Variants in HEG1 observed in about 807,000 individuals in gnomAD.
The protein encoded by HEG1 is heart development protein with EGF like domains 1.
HEG1 carries 56 observed loss-of-function variants against 125.6 expected under a neutral mutation model. That is an observed-to-expected ratio of 0.45 (90% CI 0.36 to 0.56). The LOEUF is 0.56. HEG1 is among the 20% of genes least tolerant of loss of function. The pLI, the probability that HEG1 is intolerant of heterozygous loss-of-function variation, is 0.00. For missense variants in HEG1, 1,523 were observed against 1,670.0 expected, an observed-to-expected ratio of 0.91 and a Z score of 1.53; for synonymous variants, 644 against 668.5, an observed-to-expected ratio of 0.96 and a Z score of 0.57.
At position 125,055,544 on chromosome 3, in the gene HEG1, G is replaced by A. The variant is rs888738957; in HGVS notation, c.316+31C>T. The A allele has an allele frequency of 1.0e-5, 12 of 1,187,870 alleles. No homozygotes were observed. In the Admixed American group the frequency reaches 4.9e-4, roughly 49 times the overall value. The allele number at this position is 1,187,870 out of a possible 1,614,324, so 73.6% of individuals were successfully genotyped here. A position where few individuals can be genotyped will look rare whatever the true frequency, so the allele number is the denominator to read the frequency against. On this transcript the variant is annotated intron_variant, in intron 1 of 16. Coordinates refer to ENST00000311127, the MANE Select transcript of HEG1 (RefSeq NM_020733.2). ...GCGCCCACGCCCCCAGCACAGACTGGCCAGGCGCCAGGTTCCCGGCTCTCA... is the reference window on the plus strand; with the variant it reads ...GCGCCCACGCCCCCAGCACAGACTGACCAGGCGCCAGGTTCCCGGCTCTCA...
chr3:124,999,225 G>A (rs759142803), intron 11 of HEG1, among the ~76,000 whole-genome samples: 20 of 152,286 alleles, frequency 1.3e-4, no homozygotes, highest in Admixed American at 2.6e-4. Context: ...GGAAGCTAGC[G>A]TGCTCAATCA....
At position 124,969,133 on chromosome 3, in the gene HEG1, G is replaced by C. The variant is rs551573665; in HGVS notation, c.*1519C>G. The C allele has an allele frequency of 6.6e-6, 1 of 152,288 alleles. No homozygotes were observed. The highest frequency in any genetic ancestry group is 1.5e-5 in the Non-Finnish European group (1 of 68,024). The allele number at this position is 152,288 out of a possible 1,614,324, so 9.4% of individuals were successfully genotyped here. A position where few individuals can be genotyped will look rare whatever the true frequency, so the allele number is the denominator to read the frequency against. ...GTGGCTGCACCATTTCCAGAAATGT[G>C]AAGCGGGACTCCCCGCTTCAGGGTG... On this transcript the variant is annotated 3_prime_UTR_variant, in exon 17 of 17. Coordinates refer to ENST00000311127, the MANE Select transcript of HEG1 (RefSeq NM_020733.2).
chr3:125,020,109 C>T (rs1311217236), intron 4 of HEG1, among the ~76,000 whole-genome samples: 4 of 152,192 alleles, frequency 2.6e-5, no homozygotes, highest in African/African-American at 9.7e-5. Flanking sequence ...ATGATCTGTA[C>T]ACAAAATAAC....
rs551936391 is a variant in HEG1 at position 125,012,951 on chromosome 3, T to A, written c.2628A>T (p.Thr876=). 58 of 1,614,072 alleles carry A rather than the reference T, an allele frequency of 3.6e-5. No individual in the cohort carries two copies. In the South Asian group the frequency reaches 6.1e-4, roughly 17 times the overall value. The part of the protein sequence containing the change: ...LVTGPIAVQT[T]AGKQLSLTHP... The stretch of plus-strand genomic sequence containing the variant: ...GGGTCAGCGAGAGCTGTTTTCCAGC[T>A]GTAGTCTGTACGGCTATAGGGCCAG... Residue 876 remains threonine, a synonymous_variant, in exon 6 of 17, where the codon ACA becomes ACT. Coordinates refer to ENST00000311127, the MANE Select transcript of HEG1 (RefSeq NM_020733.2).
rs528668610 is a variant in HEG1, at chr3:124,975,817, G to A, written c.3822-1912C>T. On this transcript the variant is annotated intron_variant, in intron 15 of 16. Coordinates refer to ENST00000311127, the MANE Select transcript of HEG1 (RefSeq NM_020733.2). ...TTGGGACTGGCTTGTTTCACTTAGC[G>A]TATTTTCAGGGTTCACCCATGTTAT... Among the ~76,000 whole-genome samples, 15 of 152,290 alleles carry A rather than the reference G, an allele frequency of 9.8e-5. 1 individual carries two copies. In the East Asian group the frequency reaches 1.2e-3, roughly 12 times the overall value.
At position 124,980,861 on chromosome 3, in the gene HEG1, C is replaced by CT. The variant is rs34134863; in HGVS notation, c.3734-2916dup. ...TTGCTTGTTTGTGCTTCTGGATATC[C>CT]TTTTTTTTTTTTGAGACAGGTCTCA... On this transcript the variant is annotated intron_variant, in intron 14 of 16. Coordinates refer to ENST00000311127, the MANE Select transcript of HEG1 (RefSeq NM_020733.2). Among the ~76,000 whole-genome samples the CT allele has an allele frequency of 5.0e-3, 719 of 143,322 alleles. 4 individuals are homozygous for CT. Among genetic ancestry groups the CT allele is most frequent in the Admixed American group, 9.4e-3 (134 of 14,180 alleles). The allele number at this position is 143,322 out of a possible 152,430, so 94.0% of individuals were successfully genotyped here.
At chr3:124,997,408 T>C (rs1936937998) in intron 12 of HEG1, among the ~76,000 whole-genome samples, 2 of 152,176 alleles carry the variant, frequency 1.3e-5, no homozygotes, top group Non-Finnish European at 2.9e-5. Context: ...TAACTTCCTT[T>C]AAATGGAAAA....
intron 3 of HEG1, among the ~76,000 whole-genome samples, chr3:125,025,137 A>G (rs1937398422): frequency 6.6e-6 from 1 of 152,254 alleles, no homozygotes; most frequent in African/African-American, 2.4e-5. Flanking sequence ...AGAAAGGGAC[A>G]GTAATGTCTC....
chr3:124,980,647 G>A (rs1385240321), intron 14 of HEG1, among the ~76,000 whole-genome samples: 1 of 152,054 alleles, frequency 6.6e-6, no homozygotes, highest in African/African-American at 2.4e-5. Flanking sequence ...CTCCTGAGTA[G>A]CTGTGATTAC....
chr3:124,971,171 T>G (rs1413742034), intron 16 of HEG1: 6 of 466,924 alleles, frequency 1.3e-5, no homozygotes, highest in Non-Finnish European at 2.6e-5. Flanking sequence ...GGGGCTACTT[T>G]GAGGAGGCCT....
Position 125,019,228 on chromosome 3 carries a change from A to G in HEG1, c.1588+34T>C, listed in dbSNP as rs191692459. ...AGCATCATGAGTCCCTCTCTCCTCT[A>G]TGGGGCACAGTTGCATGAAATGGAA... On this transcript the variant is annotated intron_variant, in intron 5 of 16. Transcript: ENST00000311127. The G allele has an allele frequency of 7.8e-6, 12 of 1,544,150 alleles. No individual in the cohort carries two copies. In the East Asian group the frequency reaches 2.7e-4, roughly 35 times the overall value.
At chr3:125,019,645 G>A in intron 4 of HEG1, 48 bp from the exon 5 acceptor site, 1 of 1,481,726 alleles carries the variant, frequency 6.7e-7, no homozygotes, top group Non-Finnish European at 9.3e-7. Context: ...GTATGAAAGA[G>A]ATCCCTTGGC....
chr3:124,995,717 G>A (rs1040087297), intron 12 of HEG1, among the ~76,000 whole-genome samples: 8 of 152,180 alleles, frequency 5.3e-5, no homozygotes, highest in African/African-American at 1.9e-4. Flanking sequence ...AGGGCTTCAC[G>A]GGGTCTCAGC....
Position 125,013,899 on chromosome 3 carries a change from A to C in HEG1, c.1680T>G (p.Thr560=). 1 of 1,613,806 alleles carries C rather than the reference A, an allele frequency of 6.2e-7. No homozygotes were observed. The highest frequency in any genetic ancestry group is 8.5e-7 in the Non-Finnish European group (1 of 1,179,852). Residue 560 remains threonine, a synonymous_variant, in exon 6 of 17, where the codon ACT becomes ACG. Transcript: ENST00000311127. The part of the protein sequence containing the change: ...DHTDHTYLSS[T]FTKGERALLS... Reference sequence around the variant, plus strand: ...GTAACGCCCGTTCTCCTTTGGTGAAAGTAGATGACAGGTAGGTGTGGTCTG... The same window carrying C: ...GTAACGCCCGTTCTCCTTTGGTGAACGTAGATGACAGGTAGGTGTGGTCTG...
chr3:125,033,940 A>C (rs1453466062), intron 1 of HEG1, among the ~76,000 whole-genome samples: 1 of 152,194 alleles, frequency 6.6e-6, no homozygotes, highest in East Asian at 1.9e-4. Flanking sequence ...GAGGTGGAAG[A>C]GTTTCATCCC....
At position 124,969,324 on chromosome 3, in the gene HEG1, C is replaced by T. The variant is rs1204395940; in HGVS notation, c.*1328G>A. The stretch of plus-strand genomic sequence containing the variant: ...GGCATAATAAATAAGATGAGTGGAA[C>T]TTCCTTCCCGAAGGTCAACCCTCAG... On this transcript the variant is annotated 3_prime_UTR_variant, in exon 17 of 17. Coordinates refer to ENST00000311127, the MANE Select transcript of HEG1 (RefSeq NM_020733.2). The T allele has an allele frequency of 1.3e-5, 2 of 152,192 alleles. No individual in the cohort carries two copies. The highest frequency in any genetic ancestry group is 4.8e-5 in the African/African-American group (2 of 41,456). The allele number at this position is 152,192 out of a possible 1,614,324, so 9.4% of individuals were successfully genotyped here.
At position 125,012,983 on chromosome 3, in the gene HEG1, G is replaced by A. The variant is rs1357098810; in HGVS notation, c.2596C>T (p.Leu866=). The A allele has an allele frequency of 6.2e-7, 1 of 1,614,080 alleles. No individual in the cohort carries two copies. Among genetic ancestry groups the A allele is most frequent in the Non-Finnish European group, 8.5e-7 (1 of 1,179,906 alleles). ...TGTACGGCTATAGGGCCAGTGACCA[G>A]AGATGCTGTGCTTGACAGGGTGCCA... The part of the protein sequence containing the change: ...TPGTLSSTAS[L]VTGPIAVQTT... Residue 866 remains leucine, a synonymous_variant, in exon 6 of 17, where the codon CTG becomes TTG. Coordinates refer to ENST00000311127, the MANE Select transcript of HEG1 (RefSeq NM_020733.2).
At chr3:125,005,206 A>T in intron 9 of HEG1, 59 bp downstream of exon 9, 1 of 1,017,018 alleles carries the variant, frequency 9.8e-7, no homozygotes, top group Non-Finnish European at 1.5e-6. Flanking sequence ...CCCCTCTTGG[A>T]ATAAAATCTG....
At position 124,968,991 on chromosome 3, in the gene HEG1, AC is replaced by A. The variant is rs994439648; in HGVS notation, c.*1660del. The A allele has an allele frequency of 3.9e-5, 6 of 152,290 alleles. No individual in the cohort carries two copies. Among genetic ancestry groups the A allele is most frequent in the African/African-American group, 1.4e-4 (6 of 41,552 alleles). The allele number at this position is 152,290 out of a possible 1,614,324, so 9.4% of individuals were successfully genotyped here. ...AGCAGGGTGATGGTGAGTGGTGGAG[AC>A]CATGGGACACAGGAGTTCTTGCTTA... On this transcript the variant is annotated 3_prime_UTR_variant, in exon 17 of 17. Transcript: ENST00000311127.
Sources: gnomAD v4.1 joint callset for allele counts (sites outside exome capture counted in the v4.1 genomes callset) on GRCh38, gnomAD v4.1.1 for gene constraint, MANE v1.5 for transcripts, NCBI Gene and HGNC (gene_info 2026-07-23, HGNC 2026-07-21) for gene names.